NCKAP5: variants seen among roughly 807,000 people sequenced by gnomAD.
NCKAP5 encodes NCK associated protein 5.
Under a neutral mutation model 167.0 loss-of-function variants are expected in NCKAP5, and 92 were observed. The observed-to-expected ratio is 0.55, with a 90% CI of 0.47 to 0.66. The LOEUF (loss-of-function observed/expected upper bound fraction) is 0.66, where lower values mean the gene tolerates loss of function less well. Among genes scored for constraint, NCKAP5 ranks in the 30% least tolerant of loss-of-function variants. The probability of loss-of-function intolerance (pLI) is 0.00; values close to 1 mark genes in which losing one functional copy is unlikely to be tolerated. For missense variants in NCKAP5, 2,378 were observed against 2,315.0 expected (o/e 1.03, Z -0.56); for synonymous variants, 891 against 877.4 (o/e 1.02, Z -0.27).
At chr2:132,751,923 G>A (rs929319467) in intron 16 of NCKAP5, among the ~76,000 whole-genome samples, 2 of 152,214 alleles carry the variant, frequency 1.3e-5, no homozygotes, top group Non-Finnish European at 2.9e-5. Flanking sequence ...GGACACACTG[G>A]TTCAAGGGGG....
chr2:133,215,169 A>G (rs889060630), intron 4 of NCKAP5, among the ~76,000 whole-genome samples: 2 of 152,174 alleles, frequency 1.3e-5, no homozygotes, highest in African/African-American at 4.8e-5. Flanking sequence ...CCACAAAGGG[A>G]TGGAAGCCAT....
At chr2:133,206,322 G>C (rs1240745913) in intron 5 of NCKAP5, among the ~76,000 whole-genome samples, 2 of 152,106 alleles carry the variant, frequency 1.3e-5, no homozygotes, top group African/African-American at 4.8e-5. Context: ...CTGGAGCCGA[G>C]GCAGAAGAAC....
chr2:133,105,732 T>C (rs1036046298), intron 6 of NCKAP5, among the ~76,000 whole-genome samples: 4 of 152,236 alleles, frequency 2.6e-5, no homozygotes, highest in Non-Finnish European at 4.4e-5. Flanking sequence ...GTTCAACATA[T>C]GCCCTGATAG....
At chr2:132,842,298 T>C (rs1232926378) in intron 11 of NCKAP5, among the ~76,000 whole-genome samples, 1 of 152,176 alleles carries the variant, frequency 6.6e-6, no homozygotes, top group Non-Finnish European at 1.5e-5. Context: ...CATTCTTATA[T>C]AGCTTAGCTC....
At chr2:133,415,042 G>A (rs569062550) in intron 3 of NCKAP5, among the ~76,000 whole-genome samples, 1 of 152,278 alleles carries the variant, frequency 6.6e-6, no homozygotes, top group Admixed American at 6.5e-5. Context: ...TTACAAATTG[G>A]TAAATACACA....
intron 6 of NCKAP5, among the ~76,000 whole-genome samples, chr2:133,040,753 A>T (rs1045359709): frequency 6.6e-6 from 1 of 152,222 alleles, no homozygotes; most frequent in Non-Finnish European, 1.5e-5. Context: ...TCTAGGCATA[A>T]CTAGACAGCA....
Position 133,468,609 on chromosome 2 carries a change from G to T in NCKAP5, c.69+48849C>A, listed in dbSNP as rs1394482100. Among the ~76,000 whole-genome samples, 4 of 152,082 alleles carry T rather than the reference G, an allele frequency of 2.6e-5. No individual in the cohort carries two copies. In the East Asian group the frequency reaches 5.8e-4, roughly 22 times the overall value. On this transcript the variant is annotated intron_variant, in intron 3 of 19. Coordinates refer to ENST00000409261, the MANE Select transcript of NCKAP5 (RefSeq NM_207363.3). ...TTGATCTGTCTAATGCTGACAGTGG[G>T]GTGTTAAAGTCTCCATTATTAATGT... is the stretch of plus-strand genomic sequence containing the variant.
chr2:133,305,982 G>A lies in NCKAP5; in HGVS notation c.70-2872C>T, dbSNP rs183870655. ...AAGTGAAATTGTTTTTGCTCAACCTGAAATAGGAAGTACCTTCATACCTGT... is the reference window on the plus strand; with the variant it reads ...AAGTGAAATTGTTTTTGCTCAACCTAAAATAGGAAGTACCTTCATACCTGT... On this transcript the variant is annotated intron_variant, in intron 3 of 19. Transcript: ENST00000409261. Among the ~76,000 whole-genome samples the A allele has an allele frequency of 8.8e-3, 1,337 of 152,304 alleles. 12 individuals carry two copies. Among genetic ancestry groups the A allele is most frequent in the Non-Finnish European group, 0.012 (822 of 68,024 alleles).
At chr2:133,603,129 GA>G in the NCKAP5 span, among the ~76,000 whole-genome samples, 4 of 152,086 alleles carry the variant, frequency 2.6e-5, no homozygotes, top group Middle Eastern at 0.01. Flanking sequence ...GTGAACTACA[GA>G]AGGAAGCAGC....
chr2:133,152,833 C>T (rs2083431390), intron 5 of NCKAP5, among the ~76,000 whole-genome samples: 1 of 152,134 alleles, frequency 6.6e-6, no homozygotes, highest in Non-Finnish European at 1.5e-5. Flanking sequence ...ATATCAAATA[C>T]TTACCACTGT....
At chr2:133,522,541 G>A (rs1395861712) in intron 2 of NCKAP5, among the ~76,000 whole-genome samples, 1 of 152,156 alleles carries the variant, frequency 6.6e-6, no homozygotes, top group Non-Finnish European at 1.5e-5. Flanking sequence ...AGCATTTTAT[G>A]TTCTGTGTTC....
chr2:132,979,815 G>T (rs967137858), intron 7 of NCKAP5, among the ~76,000 whole-genome samples: 2 of 152,042 alleles, frequency 1.3e-5, no homozygotes, highest in African/African-American at 2.4e-5. Context: ...CAGAAGCTTT[G>T]CATGTCTCCT....
chr2:133,671,534 G>A, the NCKAP5 span, among the ~76,000 whole-genome samples: 2 of 151,994 alleles, frequency 1.3e-5, no homozygotes, highest in Admixed American at 6.6e-5. Flanking sequence ...ATAAGAAGAG[G>A]AGGAGAGACT....
At chr2:133,082,512 C>G (rs1279063927) in intron 6 of NCKAP5, among the ~76,000 whole-genome samples, 2 of 152,278 alleles carry the variant, frequency 1.3e-5, no homozygotes, top group East Asian at 3.9e-4. Context: ...AGTTCACACT[C>G]TCCATCTCAT....
At chr2:133,299,498 G>T (rs1016089930) in intron 4 of NCKAP5, among the ~76,000 whole-genome samples, 2 of 152,170 alleles carry the variant, frequency 1.3e-5, no homozygotes, top group Admixed American at 6.5e-5. Flanking sequence ...TGTAATCTCA[G>T]CACTTTGGGA....
intron 6 of NCKAP5, among the ~76,000 whole-genome samples, chr2:133,048,296 C>G (rs2079480536): frequency 6.6e-6 from 1 of 152,138 alleles, no homozygotes; most frequent in Admixed American, 6.6e-5. Context: ...TAAGATAAGC[C>G]AAACCTGAAG....
At chr2:133,305,353 G>A (rs922810687) in intron 3 of NCKAP5, among the ~76,000 whole-genome samples, 1 of 152,140 alleles carries the variant, frequency 6.6e-6, no homozygotes, top group Non-Finnish European at 1.5e-5. Flanking sequence ...CTAAGCCTTA[G>A]TTTCTTCATC....
chr2:133,174,560 A>T (rs934885646), intron 5 of NCKAP5, among the ~76,000 whole-genome samples: 1 of 152,144 alleles, frequency 6.6e-6, no homozygotes, highest in Non-Finnish European at 1.5e-5. Flanking sequence ...TAATTGCATT[A>T]TTCATTTTCT....
intron 5 of NCKAP5, among the ~76,000 whole-genome samples, chr2:133,200,591 G>A (rs940330232): frequency 3.3e-5 from 5 of 152,024 alleles, no homozygotes; most frequent in African/African-American, 9.7e-5. Context: ...AGAAGTAAAA[G>A]CAACAAAAGA....
Sources: allele counts gnomAD v4.1 joint callset (sites outside exome capture counted in the v4.1 genomes callset), GRCh38; gene constraint gnomAD v4.1.1; transcripts MANE v1.5; gene names NCBI Gene and HGNC (gene_info 2026-07-23, HGNC 2026-07-21).